SUN3: variants seen among roughly 807,000 people sequenced by gnomAD.
SUN3 encodes the protein Sad1 and UNC84 domain containing 3.
In SUN3, 36 loss-of-function variants were observed where a neutral mutation model predicts 48.2. The ratio of observed to expected loss-of-function variants is 0.75; its 90% CI spans 0.57 to 0.99. The LOEUF is 0.99. Ranked by LOEUF, SUN3 falls within the 50% of genes least tolerant of loss-of-function variation. The probability of loss-of-function intolerance (pLI) is 0.00; values close to 1 mark genes in which losing one functional copy is unlikely to be tolerated. For synonymous variants in SUN3, 148 were observed against 147.9 expected (o/e 1.00, Z 0.00); for missense variants, 419 against 433.1 (o/e 0.97, Z 0.29).
chr7:48,030,149 G>A (rs186285794), upstream of SUN3, among the ~76,000 whole-genome samples: 148 of 152,100 alleles, frequency 9.7e-4, no homozygotes, highest in African/African-American at 3.4e-3. Flanking sequence ...TTTGCTTTCC[G>A]TTCAACTGCT....
chr7:47,994,160 G>T, intron 8 of SUN3, 155 bp downstream of exon 8: 1 of 592,250 alleles, frequency 1.7e-6, no homozygotes, highest in Non-Finnish European at 2.8e-6. Context: ...TAAATCATTT[G>T]GTCCAACTCT....
At chr7:47,987,943 G>A (rs1351033415) in intron 9 of SUN3, among the ~76,000 whole-genome samples, 3 of 152,178 alleles carry the variant, frequency 2.0e-5, no homozygotes, top group Non-Finnish European at 2.9e-5. Flanking sequence ...AGGGAGAGGA[G>A]GATAATATGG....
rs150352113 is a variant in SUN3, at chr7:48,007,177, C to T, written c.480G>A (p.Pro160=). The T allele has an allele frequency of 4.0e-5, 65 of 1,613,710 alleles. No homozygotes were observed. In the East Asian group the frequency reaches 5.4e-4, roughly 13 times the overall value. The change falls in exon 5 of 10, where the codon CCG becomes CCA. Residue 160 remains proline (P), a synonymous_variant. Coordinates refer to ENST00000297325, the MANE Select transcript of SUN3 (RefSeq NM_001030019.2). ...WNTHGDPVED[P]DHTEEVSNLV... is the part of the protein sequence containing the mutation. ...CCTCATCCAGGACCTCTGTGTGGTC[C>T]GGGTCCTCCACAGGGTCTCCATGGG...
chr7:47,988,286 T>G (rs1469719104), intron 9 of SUN3, among the ~76,000 whole-genome samples: 1 of 152,234 alleles, frequency 6.6e-6, no homozygotes, highest in African/African-American at 2.4e-5. Context: ...TGAGGATATA[T>G]TTCATTTGCC....
intron 2 of SUN3, among the ~76,000 whole-genome samples, chr7:48,019,379 C>T (rs1395812780): frequency 6.6e-6 from 1 of 151,498 alleles, no homozygotes; most frequent in Non-Finnish European, 1.5e-5. Context: ...TAATGATGTA[C>T]CTTAAAGAAA....
In SUN3 at chr7:48,006,027, T is replaced by C; in HGVS notation, c.519A>G (p.Val173=). The C allele has an allele frequency of 6.2e-7, 1 of 1,612,720 alleles. No homozygotes were observed. The highest frequency in any genetic ancestry group is 1.7e-5 in the Admixed American group (1 of 59,790). ...CTTGGTCTTCTCTCAACTTTTTAAG[T>C]ACATAATTGACCAAGTTTGACACTT... ...TEEVSNLVNY[V]LKKLREDQVE... is the part of the protein sequence containing the mutation. The change falls in exon 6 of 10, where the codon GTA becomes GTG. Residue 173 remains valine (V), a synonymous_variant. Coordinates refer to ENST00000297325, the MANE Select transcript of SUN3 (RefSeq NM_001030019.2).
At chr7:47,987,826 G>A (rs568411602) in intron 9 of SUN3, among the ~76,000 whole-genome samples, 6 of 152,276 alleles carry the variant, frequency 3.9e-5, no homozygotes, top group East Asian at 1.9e-4. Flanking sequence ...AAGCCACCAC[G>A]CCTGGCCTAT....
chr7:48,001,522 GTTTTTTTTGTT>G (rs1339615137), intron 6 of SUN3, among the ~76,000 whole-genome samples: 8,375 of 121,536 alleles, frequency 0.069, 320 homozygotes, highest in South Asian at 0.14. Flanking sequence ...TGTCTTTTCT[GTTTTTTTTGTT>G]TTTTTTTTTT....
intron 6 of SUN3, among the ~76,000 whole-genome samples, chr7:48,004,381 T>G (rs76018409): frequency 6.6e-6 from 1 of 152,382 alleles, no homozygotes; most frequent in African/African-American, 2.4e-5. Flanking sequence ...TCAGTCCTCC[T>G]TCCTTTTATG....
Position 48,007,243 on chromosome 7 carries a change from T to C in SUN3, c.414A>G (p.Arg138=). 2 of 1,614,054 alleles carry C rather than the reference T, an allele frequency of 1.2e-6. No individual in the cohort carries two copies. Among genetic ancestry groups the C allele is most frequent in the Non-Finnish European group, 1.7e-6 (2 of 1,180,008 alleles). ...TATTGTCCATACCATCCTTCATATCTCTTAGCAATGCCTTCAGGACATCTA... is the reference window on the plus strand; with the variant it reads ...TATTGTCCATACCATCCTTCATATCCCTTAGCAATGCCTTCAGGACATCTA... ...EQIDVLKALL[R]DMKDGMDNNH... Residue 138 remains arginine, a synonymous_variant, in exon 5 of 10, where the codon AGA becomes AGG. Transcript: ENST00000297325.
intron 6 of SUN3, among the ~76,000 whole-genome samples, chr7:48,000,734 A>C (rs1183864986): frequency 1.7e-5 from 2 of 121,136 alleles, no homozygotes; most frequent in Admixed American, 1.6e-4. Context: ...AATAATGTGT[A>C]GTTTTTTTTT....
intron 6 of SUN3, among the ~76,000 whole-genome samples, chr7:47,998,078 T>C (rs1789260802): frequency 1.3e-5 from 2 of 152,234 alleles, no homozygotes; most frequent in South Asian, 2.1e-4. Context: ...CAATTTATCT[T>C]AGATAAATGT....
chr7:48,028,960 C>A lies in SUN3; in HGVS notation c.-22G>T, dbSNP rs754313029. ...TCATGATCCCCTACCAAAGAACAAA[C>A]AGCTGGTAGGATGAAGAGCAACATT... On this transcript the variant is annotated 5_prime_UTR_variant, in exon 1 of 10. Transcript: ENST00000297325. 23 of 1,613,510 alleles carry A rather than the reference C, an allele frequency of 1.4e-5. No individual in the cohort carries two copies. In the East Asian group the frequency reaches 5.1e-4, roughly 36 times the overall value.
intron 2 of SUN3, among the ~76,000 whole-genome samples, chr7:48,025,348 G>T (rs1018989061): frequency 1.3e-5 from 2 of 152,066 alleles, no homozygotes; most frequent in African/African-American, 2.4e-5. Context: ...ACAATAACTG[G>T]GTTGAAACTT....
chr7:48,027,091 A>G (rs1790157530), intron 1 of SUN3, among the ~76,000 whole-genome samples: 1 of 152,150 alleles, frequency 6.6e-6, no homozygotes, highest in Non-Finnish European at 1.5e-5. Context: ...AAATGGACCC[A>G]TGTGGGTATG....
chr7:48,022,353 C>T (rs1332788051), intron 2 of SUN3, among the ~76,000 whole-genome samples: 4 of 151,982 alleles, frequency 2.6e-5, no homozygotes, highest in Non-Finnish European at 5.9e-5. Context: ...TACTATTTGA[C>T]AACACAATGG....
chr7:47,994,243 G>T, intron 8 of SUN3, 72 bp downstream of exon 8: 1 of 1,467,018 alleles, frequency 6.8e-7, no homozygotes, highest in Non-Finnish European at 9.4e-7. Context: ...TAGTTCAGAG[G>T]ACAGCCCCTA....
chr7:47,993,133 G>A (rs1319394738), intron 8 of SUN3, among the ~76,000 whole-genome samples: 1 of 152,104 alleles, frequency 6.6e-6, no homozygotes, highest in Non-Finnish European at 1.5e-5. Context: ...TAAAAAAATG[G>A]AAGAAAGTAG....
At chr7:48,006,667 G>C (rs369987537) in intron 5 of SUN3, among the ~76,000 whole-genome samples, 1 of 152,318 alleles carries the variant, frequency 6.6e-6, no homozygotes, top group East Asian at 1.9e-4. Flanking sequence ...GAGGGCGGCA[G>C]GTGGTCCATG....
Sources: allele counts gnomAD v4.1 joint callset (sites outside exome capture counted in the v4.1 genomes callset), GRCh38; gene constraint gnomAD v4.1.1; transcripts MANE v1.5; gene names NCBI Gene and HGNC (gene_info 2026-07-23, HGNC 2026-07-21).